Variants in GABRB1 observed in about 807,000 individuals in gnomAD.
GABRB1 encodes the protein gamma-aminobutyric acid receptor subunit beta-1.
GABRB1 carries 17 observed loss-of-function variants against 51.6 expected under a neutral mutation model. That is an observed-to-expected ratio of 0.33 (90% CI 0.23 to 0.49). GABRB1 has a LOEUF of 0.49. Ranked by LOEUF, GABRB1 falls within the 20% of genes least tolerant of loss-of-function variation. The pLI, the probability that GABRB1 is intolerant of heterozygous loss-of-function variation, is 0.99. For missense variants in GABRB1, 410 were observed against 600.6 expected, an observed-to-expected ratio of 0.68 and a Z score of 3.32; for synonymous variants, 247 against 218.9, an observed-to-expected ratio of 1.13 and a Z score of -1.14.
At chr4:47,404,028 A>G (rs1578148881) in intron 7 of GABRB1, among the ~76,000 whole-genome samples, 1 of 152,298 alleles carries the variant, frequency 6.6e-6, no homozygotes, top group East Asian at 1.9e-4. Context: ...CTTCCCCTTT[A>G]ATGCCTGCTT....
Position 47,310,970 on chromosome 4 carries a change from A to G in GABRB1, c.462-9157A>G, listed in dbSNP as rs551902233. Among the ~76,000 whole-genome samples the G allele has an allele frequency of 6.3e-5, 9 of 143,610 alleles. No homozygotes were observed. In the South Asian group the frequency reaches 1.9e-3, roughly 31 times the overall value. The allele number at this position is 143,610 out of a possible 152,430, so 94.2% of individuals were successfully genotyped here. On this transcript the variant is annotated intron_variant, in intron 4 of 8. Transcript: ENST00000295454. ...CTTGAGACCAGGAGGCTGAGGCAGG[A>G]GAATAGCTTGAACCTGGGAGGCAGA...
At chr4:47,378,782 G>C (rs968472395) in intron 5 of GABRB1, among the ~76,000 whole-genome samples, 4 of 150,614 alleles carry the variant, frequency 2.7e-5, no homozygotes, top group African/African-American at 9.7e-5. Flanking sequence ...CACTGCTCCC[G>C]GCCGGAGTTT....
chr4:47,365,050 G>C (rs1726929049), intron 5 of GABRB1, among the ~76,000 whole-genome samples: 1 of 152,182 alleles, frequency 6.6e-6, no homozygotes, highest in African/African-American at 2.4e-5. Flanking sequence ...GGAAACAAAA[G>C]GAATAGGACA....
At chr4:47,127,707 C>T (rs1716220931) in intron 3 of GABRB1, among the ~76,000 whole-genome samples, 1 of 151,816 alleles carries the variant, frequency 6.6e-6, no homozygotes, top group Admixed American at 6.6e-5. Context: ...ATCATCTTCA[C>T]CTCTTACAAG....
intron 4 of GABRB1, among the ~76,000 whole-genome samples, chr4:47,219,298 G>A (rs755859847): frequency 2.6e-5 from 4 of 151,852 alleles, no homozygotes; most frequent in Non-Finnish European, 4.4e-5. Context: ...TGAGATAGTC[G>A]CATAAGCCTT....
At chr4:47,284,750 C>T (rs1029692083) in intron 4 of GABRB1, among the ~76,000 whole-genome samples, 1 of 152,052 alleles carries the variant, frequency 6.6e-6, no homozygotes, top group Non-Finnish European at 1.5e-5. Context: ...TATAAAAGCC[C>T]TAAAGAGTGG....
chr4:47,190,496 G>A (rs1478169793), intron 4 of GABRB1, among the ~76,000 whole-genome samples: 4 of 152,080 alleles, frequency 2.6e-5, no homozygotes, highest in Non-Finnish European at 4.4e-5. Flanking sequence ...ATCATTGTCA[G>A]CACCTACACA....
At chr4:47,257,122 A>C (rs1722242827) in intron 4 of GABRB1, among the ~76,000 whole-genome samples, 1 of 152,172 alleles carries the variant, frequency 6.6e-6, no homozygotes. Flanking sequence ...AGACATAGGA[A>C]AGAGAGTGAG....
chr4:47,031,090 G>T (rs1725272785), upstream of GABRB1, among the ~76,000 whole-genome samples: 1 of 152,002 alleles, frequency 6.6e-6, no homozygotes, highest in East Asian at 1.9e-4. Context: ...AGTTTCCTCT[G>T]TACCTTTAGT....
At chr4:46,996,743 C>G (rs552464314) in intron 1 of GABRB1, among the ~76,000 whole-genome samples, 1 of 152,254 alleles carries the variant, frequency 6.6e-6, no homozygotes, top group Non-Finnish European at 1.5e-5. Context: ...TTGTAAGTCT[C>G]TTGCAGGTAC....
chr4:47,042,441 A>ATATATATATATATATAT (rs369535271), intron 3 of GABRB1, among the ~76,000 whole-genome samples: 1 of 117,294 alleles, frequency 8.5e-6, no homozygotes, highest in Non-Finnish European at 1.8e-5. Flanking sequence ...TATATATATA[A>ATATATATATATATATAT]AATACGTGTG....
intron 4 of GABRB1, among the ~76,000 whole-genome samples, chr4:47,264,200 A>G (rs1263201932): frequency 6.6e-6 from 1 of 152,140 alleles, no homozygotes; most frequent in African/African-American, 2.4e-5. Context: ...GGAGCTGAAA[A>G]CAGAGTAGAT....
At chr4:47,175,348 C>A (rs796919492) in intron 4 of GABRB1, among the ~76,000 whole-genome samples, 5 of 152,160 alleles carry the variant, frequency 3.3e-5, no homozygotes, top group East Asian at 1.9e-4. Flanking sequence ...TGAATCATCA[C>A]CCCCAGCCCT....
At chr4:47,235,639 T>C (rs1721306125) in intron 4 of GABRB1, among the ~76,000 whole-genome samples, 1 of 152,066 alleles carries the variant, frequency 6.6e-6, no homozygotes, top group South Asian at 2.1e-4. Flanking sequence ...CCTAAATTTA[T>C]ATATCAGAAA....
chr4:47,191,701 G>GA (rs567396288), intron 4 of GABRB1, among the ~76,000 whole-genome samples: 25 of 151,134 alleles, frequency 1.7e-4, no homozygotes, highest in African/African-American at 4.6e-4. Flanking sequence ...ATCAGCACAG[G>GA]AAAAAAAAAT....
chr4:47,327,343 A>G (rs1725297606), intron 5 of GABRB1, among the ~76,000 whole-genome samples: 2 of 151,828 alleles, frequency 1.3e-5, no homozygotes. Flanking sequence ...AAAAAAAAAA[A>G]GAGTAGGATC....
intron 5 of GABRB1, among the ~76,000 whole-genome samples, chr4:47,373,662 G>A (rs901109590): frequency 6.6e-6 from 1 of 152,170 alleles, no homozygotes; most frequent in Non-Finnish European, 1.5e-5. Context: ...GTCTTGAGCT[G>A]TGATTTGTAA....
chr4:47,364,317 G>T (rs751077090), intron 5 of GABRB1, among the ~76,000 whole-genome samples: 10 of 152,110 alleles, frequency 6.6e-5, no homozygotes, highest in Non-Finnish European at 1.5e-4. Flanking sequence ...TATTCTTCAT[G>T]TTGCCAAGCT....
intron 3 of GABRB1, among the ~76,000 whole-genome samples, chr4:47,134,948 C>G (rs1042350579): frequency 6.6e-6 from 1 of 152,042 alleles, no homozygotes; most frequent in Admixed American, 6.6e-5. Flanking sequence ...GAGACTTCAT[C>G]GCTACTTAAA....
Sources: allele counts gnomAD v4.1 joint callset (sites outside exome capture counted in the v4.1 genomes callset), GRCh38; gene constraint gnomAD v4.1.1; transcripts MANE v1.5; gene names NCBI Gene and HGNC (gene_info 2026-07-23, HGNC 2026-07-21).